Variants in F10 observed in about 807,000 individuals in gnomAD.
F10 encodes the protein coagulation factor X.
A neutral mutation model predicts 37.1 loss-of-function variants in F10; 29 were observed. The ratio of observed to expected loss-of-function variants is 0.78; its 90% CI spans 0.58 to 1.07. F10 has a LOEUF of 1.07. Ranked by LOEUF, F10 falls within the 50% of genes least tolerant of loss-of-function variation. The pLI is 0.00. For missense variants in F10, 539 were observed against 667.9 expected (o/e 0.81, Z 2.13); for synonymous variants, 262 against 268.6 (o/e 0.98, Z 0.24).
intron 7 of F10, among the ~76,000 whole-genome samples, chr13:113,148,345 A>AAAAAAATATATATATAT (rs1300922846): frequency 1.0e-5 from 1 of 95,436 alleles, no homozygotes; most frequent in East Asian, 4.3e-4. Context: ...AAAAAAAAAA[A>AAAAAAATATATATATAT]ATATATATAT....
intron 1 of F10, 138 bp downstream of exon 1, chr13:113,123,063 G>A (rs1262961748): frequency 9.4e-7 from 1 of 1,063,452 alleles, no homozygotes; most frequent in Non-Finnish European, 1.4e-6. Context: ...CGGATGGCTG[G>A]GCTTGGCCTT....
intron 1 of F10, among the ~76,000 whole-genome samples, chr13:113,127,725 A>G (rs1021423815): frequency 1.3e-5 from 2 of 152,218 alleles, no homozygotes; most frequent in Admixed American, 6.5e-5. Flanking sequence ...AATAAATACT[A>G]TTTCTTGAAA....
chr13:113,137,428 A>G (rs1448929857), intron 2 of F10, among the ~76,000 whole-genome samples: 1 of 152,238 alleles, frequency 6.6e-6, no homozygotes, highest in Non-Finnish European at 1.5e-5. Context: ...TGGTGGCTAC[A>G]GAAGTCTCTC....
Position 113,147,480 on chromosome 13 carries a change from A to G in F10, c.849A>G (p.Arg283=). The change falls in exon 7 of 8, where the codon AGA becomes AGG. Residue 283 remains arginine, a synonymous_variant. Coordinates refer to ENST00000375559, the MANE Select transcript of F10 (RefSeq NM_000504.4). ...TAAHCLYQAK[R]FKVRVGDRNT... is the part of the protein sequence containing the mutation. ...CCCACTGTCTCTACCAAGCCAAGAG[A>G]TTCAAGGTGAGGGTAGGTAAGTGAC... 1.9e-6 allele frequency: 3 copies of G among 1,612,844 alleles called. No individual in the cohort carries two copies. The highest frequency in any genetic ancestry group is 2.5e-6 in the Non-Finnish European group (3 of 1,178,794).
intron 2 of F10, among the ~76,000 whole-genome samples, chr13:113,138,048 G>A (rs2036495382): frequency 6.6e-6 from 1 of 152,154 alleles, no homozygotes; most frequent in Admixed American, 6.6e-5. Flanking sequence ...AAACTAATCA[G>A]CAATGAATAT....
chr13:113,148,352 ATATATATATATG>A (rs1449993925), intron 7 of F10, among the ~76,000 whole-genome samples: 7 of 110,656 alleles, frequency 6.3e-5, no homozygotes, highest in Non-Finnish European at 6.9e-5. Flanking sequence ...AAAAATATAT[ATATATATATATG>A]TATATATATA....
rs1455542700 is a variant in F10, at chr13:113,139,468, T to C, written c.368T>C (p.Leu123Ser). ...LEGFEGKNCE[L>S]FTRKLCSLDN... Reference sequence around the variant, plus strand: ...GGATTCGAAGGCAAAAACTGTGAATTATGTAGGTTCCTCTGCTTGGTATAC... The same window carrying C: ...GGATTCGAAGGCAAAAACTGTGAATCATGTAGGTTCCTCTGCTTGGTATAC... The change falls in exon 4 of 8, where the codon TTA becomes TCA. Residue 123 changes from leucine (L) to serine (S), a missense_variant and splice_region_variant. This residue lies in a region of F10 where 409 missense variants were observed against 547.9 expected (regional missense o/e 0.75). Transcript: ENST00000375559. The surrounding 1 kb of genome is among the most constrained non-coding windows in gnomAD (Gnocchi z 5.2). 1 of 1,612,360 alleles carries C rather than the reference T, an allele frequency of 6.2e-7. No individual in the cohort carries two copies. The highest frequency in any genetic ancestry group is 8.5e-7 in the Non-Finnish European group (1 of 1,178,486).
In F10 at chr13:113,129,612, G is replaced by A. The variant is rs201932014; in HGVS notation, c.231G>A (p.Thr77=). Residue 77 remains threonine, a splice_region_variant and synonymous_variant, in exon 2 of 8, where the codon ACG becomes ACA. Transcript: ENST00000375559. ...AGGTCTTTGAGGACAGCGACAAGAC[G>A]GTAAGGGCTGGGGATAGCCTGGCTG... is the stretch of plus-strand genomic sequence containing the variant. ...AREVFEDSDK[T]NEFWNKYKDG... is the part of the protein sequence containing the mutation. The A allele has an allele frequency of 4.5e-5, 72 of 1,613,978 alleles. 1 individual carries two copies. Among genetic ancestry groups the A allele is most frequent in the Non-Finnish European group, 6.0e-5 (71 of 1,180,024 alleles).
Sources: allele counts gnomAD v4.1 joint callset (sites outside exome capture counted in the v4.1 genomes callset), GRCh38; gene constraint gnomAD v4.1.1; regional missense constraint gnomAD v4.1.1; non-coding constraint Gnocchi (gnomAD v3.1); transcripts MANE v1.5; gene names NCBI Gene and HGNC (gene_info 2026-07-23, HGNC 2026-07-21).